ST3GAL3: variants seen among roughly 807,000 people sequenced by gnomAD.
The protein encoded by ST3GAL3 is CMP-N-acetylneuraminate-beta-1,4-galactoside alpha-2,3-sialyltransferase.
Under a neutral mutation model 50.1 loss-of-function variants are expected in ST3GAL3, and 21 were observed. The ratio of observed to expected loss-of-function variants is 0.42; its 90% CI spans 0.30 to 0.60. The LOEUF (loss-of-function observed/expected upper bound fraction) is 0.60, where lower values mean the gene tolerates loss of function less well. Ranked by LOEUF, ST3GAL3 falls within the 20% of genes least tolerant of loss-of-function variation. The pLI is 0.19. For synonymous variants in ST3GAL3, 183 were observed against 190.0 expected (o/e 0.96, Z 0.30); for missense variants, 353 against 489.4 (o/e 0.72, Z 2.63).
At chr1:43,896,215 C>G (rs371592147) in intron 6 of ST3GAL3, among the ~76,000 whole-genome samples, 2 of 152,214 alleles carry the variant, frequency 1.3e-5, no homozygotes, top group East Asian at 3.8e-4. Flanking sequence ...CCATCCCACC[C>G]CACCATTCCA....
At chr1:43,727,733 C>G (rs1194323805) in intron 1 of ST3GAL3, among the ~76,000 whole-genome samples, 1 of 152,168 alleles carries the variant, frequency 6.6e-6, no homozygotes, top group African/African-American at 2.4e-5. Flanking sequence ...TGTCTTTAGC[C>G]TCATCCCTTC....
chr1:43,912,117 G>C (rs966314124), intron 9 of ST3GAL3: 2 of 152,336 alleles, frequency 1.3e-5, no homozygotes, highest in Admixed American at 6.5e-5. Context: ...GCAGTGGCTG[G>C]AGATGAGGCT....
In ST3GAL3 at chr1:43,735,686, T is replaced by C. The variant is rs1028580459; in HGVS notation, c.-30-547T>C. Among the ~76,000 whole-genome samples the C allele has an allele frequency of 2.6e-5, 4 of 152,320 alleles. No individual in the cohort carries two copies. In the East Asian group the frequency reaches 7.7e-4, roughly 29 times the overall value. The stretch of plus-strand genomic sequence containing the variant: ...AAGGATCCAGCTGAGCCTCACCATA[T>C]CCAGATTTTGGCCTTCAGAACTCTG... On this transcript the variant is annotated intron_variant, in intron 1 of 11. Coordinates refer to ENST00000347631, the MANE Select transcript of ST3GAL3 (RefSeq NM_006279.5).
chr1:43,753,323 T>C (rs535683710), intron 2 of ST3GAL3, among the ~76,000 whole-genome samples: 1 of 152,348 alleles, frequency 6.6e-6, no homozygotes, highest in Non-Finnish European at 1.5e-5. Context: ...TAAAGTGCTA[T>C]TTTTGGTTTT....
intron 3 of ST3GAL3, among the ~76,000 whole-genome samples, chr1:43,808,451 AAGG>A (rs2060163255): frequency 6.6e-6 from 1 of 152,150 alleles, no homozygotes; most frequent in African/African-American, 2.4e-5. Flanking sequence ...AAAGTGAAGA[AAGG>A]AGAAACGACT....
chr1:43,911,322 CTTTTTTTT>C (rs998894581), intron 9 of ST3GAL3: 18 of 135,008 alleles, frequency 1.3e-4, no homozygotes, highest in African/African-American at 4.7e-4. Context: ...ATTTCTTTTT[CTTTTTTTT>C]TTTTTTTTGT....
intron 1 of ST3GAL3, among the ~76,000 whole-genome samples, chr1:43,732,098 A>G (rs1164883137): frequency 6.6e-6 from 1 of 152,186 alleles, no homozygotes; most frequent in African/African-American, 2.4e-5. Context: ...TTCTAGACAC[A>G]CTTCCCTGTT....
intron 5 of ST3GAL3, chr1:43,851,251 C>T (rs532139664): frequency 3.7e-5 from 59 of 1,575,226 alleles, no homozygotes; most frequent in South Asian, 3.3e-4. Context: ...AGAAGATGGA[C>T]GTGGCAGAGA....
intron 9 of ST3GAL3, among the ~76,000 whole-genome samples, chr1:43,918,345 T>C (rs553550255): frequency 6.6e-6 from 1 of 151,912 alleles, no homozygotes; most frequent in African/African-American, 2.4e-5. Flanking sequence ...CTTGAACTCC[T>C]GGGCTCAAGC....
chr1:43,798,085 A>G (rs987695603), intron 3 of ST3GAL3, among the ~76,000 whole-genome samples: 3 of 152,088 alleles, frequency 2.0e-5, no homozygotes, highest in African/African-American at 4.8e-5. Flanking sequence ...TTTCTTCCCC[A>G]TCTACCCAAC....
intron 9 of ST3GAL3, among the ~76,000 whole-genome samples, chr1:43,904,849 G>T (rs1305223547): frequency 1.9e-5 from 1 of 52,168 alleles, no homozygotes; most frequent in African/African-American, 8.2e-5. Flanking sequence ...TCCTATTCCT[G>T]CCACTCTTCC....
chr1:43,923,975 C>G (rs781019110), intron 11 of ST3GAL3, among the ~76,000 whole-genome samples: 1 of 152,090 alleles, frequency 6.6e-6, no homozygotes, highest in Non-Finnish European at 1.5e-5. Context: ...ACCTGATCAC[C>G]TCCCCAAAGG....
At position 43,878,730 on chromosome 1, in the gene ST3GAL3, A is replaced by C. The variant is rs546630480; in HGVS notation, c.303-15653A>C. On this transcript the variant is annotated intron_variant, in intron 5 of 11. Coordinates refer to ENST00000347631, the MANE Select transcript of ST3GAL3 (RefSeq NM_006279.5). ...AGATAGGAAGACATTGCCCATGTGG[A>C]AATATTGATCTTTGATAGAAGAATG... is the stretch of plus-strand genomic sequence containing the variant. Among the ~76,000 whole-genome samples, 3 of 152,292 alleles carry C rather than the reference A, an allele frequency of 2.0e-5. No homozygotes were observed. The South Asian group carries it at 6.2e-4, about 32-fold the overall frequency.
intron 3 of ST3GAL3, among the ~76,000 whole-genome samples, chr1:43,795,430 T>G (rs2058577679): frequency 1.3e-5 from 2 of 152,212 alleles, no homozygotes; most frequent in Non-Finnish European, 1.5e-5. Flanking sequence ...GACACCTAGT[T>G]CTGCCTTATT....
chr1:43,892,412 C>T (rs1462988013), intron 5 of ST3GAL3, among the ~76,000 whole-genome samples: 1 of 152,104 alleles, frequency 6.6e-6, no homozygotes, highest in African/African-American at 2.4e-5. Flanking sequence ...CTCTGTATAG[C>T]AGGAGAAAGG....
intron 4 of ST3GAL3, among the ~76,000 whole-genome samples, chr1:43,830,688 T>C (rs2063429788): frequency 6.6e-6 from 1 of 152,220 alleles, no homozygotes; most frequent in African/African-American, 2.4e-5. Context: ...GCCCTTCCAC[T>C]GGGCTCACAT....
chr1:43,774,923 A>T (rs1014360885), intron 2 of ST3GAL3, among the ~76,000 whole-genome samples: 1 of 152,176 alleles, frequency 6.6e-6, no homozygotes, highest in Non-Finnish European at 1.5e-5. Context: ...ACCTTCAGTT[A>T]CATCCGCGGT....
intron 9 of ST3GAL3, chr1:43,912,365 T>TA (rs1404827694): frequency 6.6e-6 from 1 of 152,062 alleles, no homozygotes; most frequent in Non-Finnish European, 1.5e-5. Context: ...AGAACTTGCT[T>TA]AGGGGTACAG....
At chr1:43,860,570 C>T (rs555645676) in intron 5 of ST3GAL3, among the ~76,000 whole-genome samples, 19 of 152,318 alleles carry the variant, frequency 1.2e-4, no homozygotes, top group Middle Eastern at 3.4e-3. Context: ...TTGCTCTATC[C>T]ATCTCTGTTC....
Sources: allele counts gnomAD v4.1 joint callset (sites outside exome capture counted in the v4.1 genomes callset), GRCh38; gene constraint gnomAD v4.1.1; transcripts MANE v1.5; gene names NCBI Gene and HGNC (gene_info 2026-07-23, HGNC 2026-07-21).